SPATA13: variants seen among roughly 807,000 people sequenced by gnomAD.
The protein encoded by SPATA13 is spermatogenesis-associated protein 13.
In SPATA13, 50 loss-of-function variants were observed where a neutral mutation model predicts 104.0. That is an observed-to-expected ratio of 0.48 (90% confidence interval 0.38 to 0.61). The LOEUF (loss-of-function observed/expected upper bound fraction) is 0.61, where lower values mean the gene tolerates loss of function less well. Among genes scored for constraint, SPATA13 ranks in the 20% least tolerant of loss-of-function variants. SPATA13 has a pLI of 0.00. For synonymous variants in SPATA13, 606 were observed against 667.5 expected (o/e 0.91, Z 1.42); for missense variants, 1,524 against 1,690.6 (o/e 0.90, Z 1.73).
chr13:24,109,417 A>G (rs567146062), intron 3 of SPATA13, among the ~76,000 whole-genome samples: 1 of 152,254 alleles, frequency 6.6e-6, no homozygotes, highest in South Asian at 2.1e-4. Context: ...TGCAATAAAC[A>G]TACGTGTCAA....
chr13:24,163,444 G>T (rs1428719313), intron 1 of SPATA13, among the ~76,000 whole-genome samples: 1 of 152,134 alleles, frequency 6.6e-6, no homozygotes, highest in Non-Finnish European at 1.5e-5. Flanking sequence ...ACTACTGCCA[G>T]CTGTCTCCTC....
rs1876696240 is a variant in SPATA13 at position 24,295,370 on chromosome 13, G to T, written c.3210+502G>T. On this transcript the variant is annotated intron_variant, in intron 10 of 12. Transcript: ENST00000382108. ...TCACACCTGTAATCCCAGCACTTTG[G>T]GAGGCCAAAGTGTGAGAATCGCTTG... Among the ~76,000 whole-genome samples, 4 of 152,212 alleles carry T rather than the reference G, an allele frequency of 2.6e-5. No homozygotes were observed. The South Asian group carries it at 8.3e-4, about 32-fold the overall frequency.
At chr13:24,143,477 TATTTTGGATAAA>T (rs1881829006) in intron 3 of SPATA13, among the ~76,000 whole-genome samples, 1 of 152,224 alleles carries the variant, frequency 6.6e-6, no homozygotes, top group East Asian at 1.9e-4. Flanking sequence ...TGTTCTTTTA[TATTTTGGATAAA>T]TTGATAGTTA....
At chr13:24,142,152 G>C (rs977981487) in intron 3 of SPATA13, among the ~76,000 whole-genome samples, 1 of 151,192 alleles carries the variant, frequency 6.6e-6, no homozygotes, top group Admixed American at 6.6e-5. Flanking sequence ...TAGGACAGAG[G>C]GGTCTTATGT....
At position 24,287,061 on chromosome 13, in the gene SPATA13, A is replaced by G. The variant is rs1876011707; in HGVS notation, c.2667+111A>G. 3.5e-6 allele frequency: 3 copies of G among 852,892 alleles called. No homozygotes were observed. In the South Asian group the frequency reaches 5.3e-5, roughly 15 times the overall value. The allele number at this position is 852,892 out of a possible 1,614,324, so 52.8% of individuals were successfully genotyped here. On this transcript the variant is annotated intron_variant, in intron 7 of 12. Coordinates refer to ENST00000382108, the MANE Select transcript of SPATA13 (RefSeq NM_001166271.3). ...GCCCCCCCATCAGGCTCCCACATGTATGCTCATTTCTCCGCCTCTGCTGTC... is the reference window on the plus strand; with the variant it reads ...GCCCCCCCATCAGGCTCCCACATGTGTGCTCATTTCTCCGCCTCTGCTGTC...
intron 3 of SPATA13, among the ~76,000 whole-genome samples, chr13:24,130,472 G>A (rs376587072): frequency 5.6e-4 from 86 of 152,350 alleles, no homozygotes; most frequent in African/African-American, 2.0e-3. Flanking sequence ...AAGGCAAAGC[G>A]TGGTTGATGA....
At chr13:24,072,664 C>T (rs905414466) in intron 3 of SPATA13, among the ~76,000 whole-genome samples, 5 of 152,070 alleles carry the variant, frequency 3.3e-5, no homozygotes, top group African/African-American at 4.8e-5. Flanking sequence ...CCTTCTGGGC[C>T]ATCACCAGTG....
chr13:24,264,681 T>C (rs138799997), intron 4 of SPATA13, among the ~76,000 whole-genome samples: 43 of 152,346 alleles, frequency 2.8e-4, no homozygotes, highest in African/African-American at 9.9e-4. Context: ...TGTTGTGTTC[T>C]TGTTATGTTT....
rs946176663 is a variant in SPATA13, at chr13:24,037,195, G to T, written c.-112+19494G>T. Among the ~76,000 whole-genome samples the T allele has an allele frequency of 2.1e-3, 254 of 120,668 alleles. 2 individuals carry two copies. Among genetic ancestry groups the T allele is most frequent in the African/African-American group, 7.9e-3 (243 of 30,880 alleles). The allele number at this position is 120,668 out of a possible 152,430, so 79.2% of individuals were successfully genotyped here. A position where few individuals can be genotyped will look rare whatever the true frequency, so the allele number is the denominator to read the frequency against. ...AGGAAGGGGAACATCACACATCGGG[G>T]CCTGTCATAGGGTGGGGGGAGGGGG... On this transcript the variant is annotated intron_variant, in intron 3 of 14. Coordinates refer to the SPATA13 transcript ENST00000424834.
chr13:24,235,882 G>A (rs147361642), intron 2 of SPATA13, among the ~76,000 whole-genome samples: 17 of 152,336 alleles, frequency 1.1e-4, no homozygotes, highest in Admixed American at 3.3e-4. Context: ...ACTGTTTCTT[G>A]AAAATAAGAA....
chr13:24,156,871 G>A (rs1286584202), upstream of SPATA13, among the ~76,000 whole-genome samples: 1 of 152,178 alleles, frequency 6.6e-6, no homozygotes, highest in African/African-American at 2.4e-5. Flanking sequence ...CTGCTCTCTT[G>A]GGTCTTGCCT....
chr13:24,131,016 A>T (rs1881376822), intron 3 of SPATA13, among the ~76,000 whole-genome samples: 1 of 152,192 alleles, frequency 6.6e-6, no homozygotes, highest in African/African-American at 2.4e-5. Context: ...CCTTCGTGTG[A>T]GTCTCCTCCT....
chr13:24,124,307 A>T (rs1296970651), intron 3 of SPATA13, among the ~76,000 whole-genome samples: 1 of 152,226 alleles, frequency 6.6e-6, no homozygotes, highest in East Asian at 1.9e-4. Context: ...CTCATCTATA[A>T]GATGAGGAAG....
chr13:24,304,924 A>G lies in SPATA13; in HGVS notation c.*2151A>G, dbSNP rs896432806. 1 of 152,248 alleles carries G rather than the reference A, an allele frequency of 6.6e-6. No individual in the cohort carries two copies. The highest frequency in any genetic ancestry group is 2.4e-5 in the African/African-American group (1 of 41,458). 9.4% of individuals were successfully genotyped at this position (152,248 alleles called of 1,614,324 possible). On this transcript the variant is annotated 3_prime_UTR_variant, in exon 13 of 13. Coordinates refer to ENST00000382108, the MANE Select transcript of SPATA13 (RefSeq NM_001166271.3). ...TTATAGAACTGACCTTTTTACTAACAAAATACAATGATATATGTTGGAAAC... is the reference window on the plus strand; with the variant it reads ...TTATAGAACTGACCTTTTTACTAACGAAATACAATGATATATGTTGGAAAC...
At chr13:24,032,462 T>A (rs917647425) in intron 3 of SPATA13, among the ~76,000 whole-genome samples, 2 of 152,192 alleles carry the variant, frequency 1.3e-5, no homozygotes, top group Admixed American at 6.5e-5. Context: ...TAGGAATAAA[T>A]GGAATGTTGT....
chr13:23,999,301 G>C (rs577870291), intron 2 of SPATA13, among the ~76,000 whole-genome samples: 48 of 132,554 alleles, frequency 3.6e-4, no homozygotes, highest in African/African-American at 1.4e-3. Context: ...TTTTTTCCAA[G>C]TCTGTTTTGG....
Position 24,249,725 on chromosome 13 carries a change from G to C in SPATA13, c.1902G>C (p.Gln634His), listed in dbSNP as rs1873373033. 2.5e-6 allele frequency: 4 copies of C among 1,613,860 alleles called. No individual in the cohort carries two copies. The Admixed American group carries it at 5.0e-5, about 20-fold the overall frequency. Reference sequence around the variant, plus strand: ...TGACTTCTGCCAGCCCTGAAGACCAGAATGCTCCAGTGGGCTGCCCCAAAG... The same window carrying C: ...TGACTTCTGCCAGCCCTGAAGACCACAATGCTCCAGTGGGCTGCCCCAAAG... ...ASMTSASPED[Q>H]NAPVGCPKGA... is the part of the protein sequence containing the mutation. The change falls in exon 3 of 13, where the codon CAG (glutamine) becomes CAC (histidine). Residue 634 changes from glutamine to histidine, a missense_variant. By Grantham distance (24) the Gln-to-His change is conservative (BLOSUM62 0). Coordinates refer to ENST00000382108, the MANE Select transcript of SPATA13 (RefSeq NM_001166271.3).
At chr13:24,180,695 C>T (rs948122956) in intron 1 of SPATA13, among the ~76,000 whole-genome samples, 23 of 152,080 alleles carry the variant, frequency 1.5e-4, no homozygotes, top group African/African-American at 4.8e-4. Flanking sequence ...TTATACTTCT[C>T]CTGTTAAATT....
intron 3 of SPATA13, among the ~76,000 whole-genome samples, chr13:24,039,984 C>A (rs1246017796): frequency 6.6e-6 from 1 of 152,180 alleles, no homozygotes; most frequent in African/African-American, 2.4e-5. Flanking sequence ...CATGCAGCTG[C>A]TCTAGAAGCA....
Sources: gnomAD v4.1 joint callset for allele counts (sites outside exome capture counted in the v4.1 genomes callset) on GRCh38, gnomAD v4.1.1 for gene constraint, MANE v1.5 for transcripts, NCBI Gene and HGNC (gene_info 2026-07-23, HGNC 2026-07-21) for gene names.